The following PUM1 variants were observed in gnomAD, a reference collection of about 807,000 sequenced individuals.
The protein encoded by PUM1 is pumilio homolog 1.
PUM1 carries 13 observed loss-of-function variants against 131.8 expected under a neutral mutation model. That is an observed-to-expected ratio of 0.10 (90% CI 0.06 to 0.16). The LOEUF is 0.16. PUM1 is among the 10% of genes least tolerant of loss of function. The pLI is 1.00. For missense variants in PUM1, 961 were observed against 1,512.4 expected, an observed-to-expected ratio of 0.64 and a Z score of 6.05; for synonymous variants, 509 against 556.5, an observed-to-expected ratio of 0.91 and a Z score of 1.20.
intron 12 of PUM1, 154 bp downstream of exon 12, chr1:30,967,013 G>A (rs45439195): frequency 0.029 from 25,598 of 868,946 alleles, 610 homozygotes; most frequent in Middle Eastern, 0.04. Flanking sequence ...ATCCACTAAG[G>A]TCACTTATTG....
At chr1:31,037,894 G>A (rs1279691255) in intron 2 of PUM1, among the ~76,000 whole-genome samples, 5 of 151,516 alleles carry the variant, frequency 3.3e-5, no homozygotes, top group Middle Eastern at 6.8e-3. Flanking sequence ...TGGCTAACAC[G>A]GTGAAACCCC....
chr1:31,048,075 C>T (rs1346660660), intron 2 of PUM1, among the ~76,000 whole-genome samples: 6 of 151,652 alleles, frequency 4.0e-5, no homozygotes, highest in African/African-American at 9.7e-5. Flanking sequence ...CCCATCTCTA[C>T]TAAAAATACA....
At chr1:31,013,120 T>C (rs1206281704) in intron 3 of PUM1, among the ~76,000 whole-genome samples, 2 of 152,162 alleles carry the variant, frequency 1.3e-5, no homozygotes, top group Admixed American at 6.5e-5. Context: ...TGTCAAACTA[T>C]CAGACACAGT....
At chr1:30,975,273 T>G (rs900223640) in intron 9 of PUM1, among the ~76,000 whole-genome samples, 2 of 152,126 alleles carry the variant, frequency 1.3e-5, no homozygotes, top group African/African-American at 4.8e-5. Flanking sequence ...AAAAAGAACA[T>G]CTATCAGTCT....
chr1:31,065,590 G>A (rs1644466393), intron 1 of PUM1, 26 bp downstream of exon 1: 2 of 1,542,416 alleles, frequency 1.3e-6, no homozygotes, highest in South Asian at 1.2e-5. Flanking sequence ...AGCAGCGTTT[G>A]GGGCCGGTGG....
rs1388816052 is a variant in PUM1, at chr1:30,982,848, C to T, written c.1159-1443G>A. Among the ~76,000 whole-genome samples the T allele has an allele frequency of 2.0e-5, 3 of 152,160 alleles. No individual in the cohort carries two copies. In the East Asian group the frequency reaches 5.8e-4, roughly 29 times the overall value. ...GATATTGGCCAATTTCACCTGTTAA[C>T]TCTTTAGTCTTAGTCTCTGCTTTTG... is the stretch of plus-strand genomic sequence containing the variant. On this transcript the variant is annotated intron_variant, in intron 7 of 21. Coordinates refer to ENST00000426105, the MANE Select transcript of PUM1 (RefSeq NM_001020658.2).
rs562003141 is a variant in PUM1 at position 30,971,696 on chromosome 1, T to G, written c.1506+2955A>C. Among the ~76,000 whole-genome samples, 8 of 152,318 alleles carry G rather than the reference T, an allele frequency of 5.3e-5. No homozygotes were observed. The South Asian group carries it at 1.7e-3, about 32-fold the overall frequency. On this transcript the variant is annotated intron_variant, in intron 10 of 21. Coordinates refer to ENST00000426105, the MANE Select transcript of PUM1 (RefSeq NM_001020658.2). The stretch of plus-strand genomic sequence containing the variant: ...AATTGTATTTCCTCAATCGATTTCC[T>G]CTCAATTATGAAATTCTATTTCATA...
intron 2 of PUM1, among the ~76,000 whole-genome samples, chr1:31,032,464 C>T (rs2124553247): frequency 6.6e-6 from 1 of 152,150 alleles, no homozygotes; most frequent in Admixed American, 6.5e-5. Context: ...TTCTACACTT[C>T]CCTTTTCTCT....
chr1:31,057,107 C>T (rs951312621), intron 2 of PUM1, among the ~76,000 whole-genome samples: 1 of 152,002 alleles, frequency 6.6e-6, no homozygotes, highest in African/African-American at 2.4e-5. Context: ...TTTGTTTCGA[C>T]TATAGTAAAG....
intron 20 of PUM1, among the ~76,000 whole-genome samples, chr1:30,937,255 GTTA>G (rs1639249983): frequency 6.6e-6 from 1 of 152,112 alleles, no homozygotes; most frequent in South Asian, 2.1e-4. Context: ...CCACCAGCTG[GTTA>G]TTATTTTAAC....
chr1:30,945,605 T>C lies in PUM1; in HGVS notation c.2857-122A>G, dbSNP rs1309370361. 6 of 1,048,162 alleles carry C rather than the reference T, an allele frequency of 5.7e-6. No individual in the cohort carries two copies. In the Admixed American group the frequency reaches 1.2e-4, roughly 21 times the overall value. 64.9% of individuals were successfully genotyped at this position (1,048,162 alleles called of 1,614,324 possible). ...AGAATCTGTGATGATGAAAGTGGAA[T>C]AGCAGCTGTGGAACAATGACAACAG... is the stretch of plus-strand genomic sequence containing the variant. On this transcript the variant is annotated intron_variant, in intron 17 of 21. Coordinates refer to ENST00000426105, the MANE Select transcript of PUM1 (RefSeq NM_001020658.2).
At chr1:31,033,743 C>CTCAAA (rs1570316970) in intron 2 of PUM1, among the ~76,000 whole-genome samples, 2 of 152,056 alleles carry the variant, frequency 1.3e-5, no homozygotes, top group East Asian at 3.9e-4. Flanking sequence ...CTCACTACAG[C>CTCAAA]CTCAAACTCC....
chr1:31,038,976 A>T lies in PUM1; in HGVS notation c.364-10112T>A, dbSNP rs558071869. On this transcript the variant is annotated intron_variant, in intron 2 of 21. Transcript: ENST00000426105. ...TAAAATTTTATATATATATATATATATATATATATTTTTTTTTTTTTTTTC... is the reference window on the plus strand; with the variant it reads ...TAAAATTTTATATATATATATATATTTATATATATTTTTTTTTTTTTTTTC... Among the ~76,000 whole-genome samples the T allele has an allele frequency of 5.6e-3, 173 of 30,864 alleles. 6 individuals are homozygous for T. Among genetic ancestry groups the T allele is most frequent in the African/African-American group, 0.038 (138 of 3,668 alleles). 20.2% of individuals were successfully genotyped at this position (30,864 alleles called of 152,430 possible).
intron 20 of PUM1, 43 bp downstream of exon 20, chr1:30,941,108 T>C (rs1028705606): frequency 5.1e-6 from 8 of 1,573,908 alleles, no homozygotes; most frequent in Non-Finnish European, 7.0e-6. Flanking sequence ...ATACTACTAA[T>C]CCTCTCTTCT....
At chr1:31,055,892 C>T (rs1040551096) in intron 2 of PUM1, among the ~76,000 whole-genome samples, 2 of 152,166 alleles carry the variant, frequency 1.3e-5, no homozygotes, top group African/African-American at 4.8e-5. Flanking sequence ...AGCTTCCACC[C>T]ATCAGTCTAT....
chr1:31,000,122 G>A (rs918330601), intron 5 of PUM1, among the ~76,000 whole-genome samples: 1 of 152,182 alleles, frequency 6.6e-6, no homozygotes, highest in Non-Finnish European at 1.5e-5. Context: ...AATAGCTCGG[G>A]TAAGTATCCA....
At chr1:30,996,523 T>G (rs1641985621) in intron 5 of PUM1, among the ~76,000 whole-genome samples, 1 of 152,222 alleles carries the variant, frequency 6.6e-6, no homozygotes, top group South Asian at 2.1e-4. Flanking sequence ...CTTCTAAAGT[T>G]ATTCTCTGTT....
intron 14 of PUM1, among the ~76,000 whole-genome samples, chr1:30,961,699 T>C (rs1010288180): frequency 2.0e-5 from 3 of 152,116 alleles, no homozygotes; most frequent in Admixed American, 6.5e-5. Flanking sequence ...ATCTGCCTCC[T>C]GGGACAAAGT....
chr1:30,959,015 G>A (rs1640293239), intron 14 of PUM1, among the ~76,000 whole-genome samples: 1 of 151,978 alleles, frequency 6.6e-6, no homozygotes, highest in Non-Finnish European at 1.5e-5. Flanking sequence ...TAACAAATTT[G>A]GCATTTTAGA....
Sources: allele counts gnomAD v4.1 joint callset (sites outside exome capture counted in the v4.1 genomes callset), GRCh38; gene constraint gnomAD v4.1.1; transcripts MANE v1.5; gene names NCBI Gene and HGNC (gene_info 2026-07-23, HGNC 2026-07-21).